Variants in GTF2A1L observed in about 807,000 individuals in gnomAD.
The protein encoded by GTF2A1L is TFIIA-alpha and beta-like factor.
A neutral mutation model predicts 49.7 loss-of-function variants in GTF2A1L; 48 were observed. The ratio of observed to expected loss-of-function variants is 0.97; its 90% CI spans 0.77 to 1.23. The LOEUF is 1.23. GTF2A1L is among the 50% of genes most tolerant of loss of function. The probability of loss-of-function intolerance (pLI) is 0.00; values close to 1 mark genes in which losing one functional copy is unlikely to be tolerated. For missense variants in GTF2A1L, 736 were observed against 564.8 expected, an observed-to-expected ratio of 1.30 and a Z score of -3.07; for synonymous variants, 246 against 193.5, an observed-to-expected ratio of 1.27 and a Z score of -2.25.
chr2:48,674,302 G>A (rs1209420378), intron 8 of GTF2A1L, among the ~76,000 whole-genome samples: 1 of 152,128 alleles, frequency 6.6e-6, no homozygotes, highest in East Asian at 1.9e-4. Flanking sequence ...ATTCTAATGA[G>A]TGTGAAATGG....
chr2:48,665,444 A>G (rs1678786646), intron 6 of GTF2A1L, among the ~76,000 whole-genome samples: 1 of 151,572 alleles, frequency 6.6e-6, no homozygotes, highest in Admixed American at 6.6e-5. Flanking sequence ...TTATTTTCTG[A>G]TATAATAATT....
At position 48,649,097 on chromosome 2, in the gene GTF2A1L, T is replaced by G. The variant is rs374263716; in HGVS notation, c.978+2055T>G. ...TTCACAAAATATATTCTTGATAGCT[T>G]TTAATTCTGCCCCTTGTAATTTCTG... is the stretch of plus-strand genomic sequence containing the variant. On this transcript the variant is annotated intron_variant, in intron 6 of 8. Transcript: ENST00000403751. 9.8e-5 allele frequency among the ~76,000 whole-genome samples: 15 copies of G among 152,316 alleles called. No homozygotes were observed. In the East Asian group the frequency reaches 2.3e-3, roughly 23 times the overall value.
intron 6 of GTF2A1L, among the ~76,000 whole-genome samples, chr2:48,661,205 C>G (rs1392307507): frequency 1.5e-5 from 2 of 136,596 alleles, no homozygotes; most frequent in African/African-American, 5.5e-5. Context: ...AATGTAAGCA[C>G]TTATACATGT....
At chr2:48,624,163 C>T (rs1192644496) in intron 3 of GTF2A1L, among the ~76,000 whole-genome samples, 1 of 122,816 alleles carries the variant, frequency 8.1e-6, no homozygotes, top group Non-Finnish European at 1.9e-5. Flanking sequence ...CCTTTAAGCT[C>T]ATAAAAATTA....
chr2:48,634,052 C>T (rs1056470921), intron 3 of GTF2A1L, among the ~76,000 whole-genome samples: 3 of 151,998 alleles, frequency 2.0e-5, no homozygotes, highest in African/African-American at 4.8e-5. Context: ...TCTAACTTGC[C>T]ACTTTGTGCC....
chr2:48,678,047 A>C (rs1427391146), intron 8 of GTF2A1L, among the ~76,000 whole-genome samples: 1 of 151,670 alleles, frequency 6.6e-6, no homozygotes, highest in Non-Finnish European at 1.5e-5. Context: ...GGAGTTTTAA[A>C]AAATCTAATA....
chr2:48,628,306 T>C (rs1261305116), intron 3 of GTF2A1L, among the ~76,000 whole-genome samples: 1 of 144,378 alleles, frequency 6.9e-6, no homozygotes, highest in Non-Finnish European at 1.6e-5. Flanking sequence ...TCCAAACTGT[T>C]GTCCACAGTG....
intron 3 of GTF2A1L, among the ~76,000 whole-genome samples, chr2:48,642,155 C>T (rs1397113014): frequency 6.6e-6 from 1 of 152,008 alleles, no homozygotes; most frequent in East Asian, 1.9e-4. Context: ...TTCCAAAGTA[C>T]AGTATAGTTG....
At chr2:48,647,871 A>G (rs986958359) in intron 6 of GTF2A1L, among the ~76,000 whole-genome samples, 3 of 152,156 alleles carry the variant, frequency 2.0e-5, no homozygotes, top group African/African-American at 7.2e-5. Context: ...TTTTACAAAT[A>G]TAAAATACAT....
chr2:48,664,909 T>C lies in GTF2A1L; in HGVS notation c.979-4813T>C, dbSNP rs1323128639. 2.0e-5 allele frequency among the ~76,000 whole-genome samples: 3 copies of C among 151,876 alleles called. No individual in the cohort carries two copies. In the East Asian group the frequency reaches 5.8e-4, roughly 29 times the overall value. ...CTCTCTCTGTCTGTCGTGCTAGAGG[T>C]TTTTCTATTTATTTATTTGTTTATT... On this transcript the variant is annotated intron_variant, in intron 6 of 8. Coordinates refer to ENST00000403751, the MANE Select transcript of GTF2A1L (RefSeq NM_006872.5).
chr2:48,658,281 T>C (rs1198498494), intron 6 of GTF2A1L, among the ~76,000 whole-genome samples: 2 of 152,182 alleles, frequency 1.3e-5, no homozygotes, highest in Non-Finnish European at 2.9e-5. Context: ...GTTTTGTATA[T>C]GGTGAAAGGT....
intron 6 of GTF2A1L, among the ~76,000 whole-genome samples, chr2:48,648,579 C>A (rs767630867): frequency 2.6e-4 from 39 of 152,074 alleles, no homozygotes; most frequent in Non-Finnish European, 4.7e-4. Context: ...TCACTACTTG[C>A]AAGCAAACTA....
intron 6 of GTF2A1L, among the ~76,000 whole-genome samples, chr2:48,649,540 A>T (rs1247501733): frequency 2.0e-5 from 3 of 152,182 alleles, no homozygotes; most frequent in Non-Finnish European, 4.4e-5. Flanking sequence ...TGACTTAGAG[A>T]AGTTACTCAT....
chr2:48,631,910 G>T (rs1158910972), intron 3 of GTF2A1L, among the ~76,000 whole-genome samples: 2 of 152,040 alleles, frequency 1.3e-5, no homozygotes, highest in Admixed American at 6.6e-5. Flanking sequence ...TAACTTTGTT[G>T]TTTACCCAAA....
chr2:48,659,553 G>A (rs1678373628), intron 6 of GTF2A1L, among the ~76,000 whole-genome samples: 1 of 151,932 alleles, frequency 6.6e-6, no homozygotes, highest in African/African-American at 2.4e-5. Flanking sequence ...CTCTTTAGAT[G>A]GCTTTGGATA....
In GTF2A1L at chr2:48,645,016, A is replaced by T. The variant is rs372382809; in HGVS notation, c.304-17A>T. The T allele has an allele frequency of 3.1e-5, 49 of 1,583,228 alleles. 1 individual carries two copies. The South Asian group carries it at 5.3e-4, about 17-fold the overall frequency. On this transcript the variant is annotated splice_polypyrimidine_tract_variant and intron_variant, in intron 4 of 8. Coordinates refer to ENST00000403751, the MANE Select transcript of GTF2A1L (RefSeq NM_006872.5). The stretch of plus-strand genomic sequence containing the variant: ...AAGTCCTTTTCTAACTTTCTAATAT[A>T]AATTTCTTATATCTAGGGCACTTCA...
chr2:48,674,611 A>G (rs993572429), intron 8 of GTF2A1L, among the ~76,000 whole-genome samples: 17 of 152,272 alleles, frequency 1.1e-4, no homozygotes, highest in Admixed American at 3.3e-4. Flanking sequence ...TCTTATAAAC[A>G]ATATATTGCC....
At chr2:48,658,346 T>C (rs957593677) in intron 6 of GTF2A1L, among the ~76,000 whole-genome samples, 1 of 152,220 alleles carries the variant, frequency 6.6e-6, no homozygotes, top group African/African-American at 2.4e-5. Flanking sequence ...CATCACCATT[T>C]ATTGAATAGG....
intron 6 of GTF2A1L, among the ~76,000 whole-genome samples, chr2:48,651,805 G>A (rs1677864113): frequency 6.6e-6 from 1 of 152,046 alleles, no homozygotes. Flanking sequence ...TTGATCCTTG[G>A]GGAGACATTT....
Sources: gnomAD v4.1 joint callset for allele counts (sites outside exome capture counted in the v4.1 genomes callset) on GRCh38, gnomAD v4.1.1 for gene constraint, MANE v1.5 for transcripts, NCBI Gene and HGNC (gene_info 2026-07-23, HGNC 2026-07-21) for gene names.